Variants in AKAP6 observed in about 807,000 individuals in gnomAD.
The protein encoded by AKAP6 is A-kinase anchoring protein 6.
AKAP6 carries 58 observed loss-of-function variants against 188.5 expected under a neutral mutation model. That is an observed-to-expected ratio of 0.31 (90% CI 0.25 to 0.38). The LOEUF (loss-of-function observed/expected upper bound fraction) is 0.38. AKAP6 is among the 10% of genes least tolerant of loss of function. AKAP6 has a pLI of 1.00. For missense variants in AKAP6, 2,710 were observed against 2,740.0 expected (o/e 0.99, Z 0.24); for synonymous variants, 989 against 998.6 (o/e 0.99, Z 0.18).
chr14:32,341,261 C>A (rs1016196962), intron 1 of AKAP6, among the ~76,000 whole-genome samples: 2 of 152,126 alleles, frequency 1.3e-5, no homozygotes, highest in South Asian at 4.1e-4. Context: ...TTCCCCTCTA[C>A]CCTTCCTATT....
At chr14:32,443,418 C>A (rs1339363945) in intron 2 of AKAP6, among the ~76,000 whole-genome samples, 8 of 148,334 alleles carry the variant, frequency 5.4e-5, no homozygotes, top group East Asian at 2.0e-4. Context: ...AAAAAAAAAA[C>A]AAAAAAACAA....
intron 2 of AKAP6, among the ~76,000 whole-genome samples, chr14:32,482,083 C>T (rs987942101): frequency 6.6e-6 from 1 of 152,124 alleles, no homozygotes. Flanking sequence ...TTTCCTCAGC[C>T]CTACTTCCTT....
intron 2 of AKAP6, among the ~76,000 whole-genome samples, chr14:32,454,858 T>A: frequency 9.7e-5 from 5 of 51,296 alleles, no homozygotes; most frequent in African/African-American, 7.2e-4. Flanking sequence ...CCTCCTTCCC[T>A]CCCTCCCTCC....
At chr14:32,443,725 G>T (rs1264410311) in intron 2 of AKAP6, among the ~76,000 whole-genome samples, 1 of 152,100 alleles carries the variant, frequency 6.6e-6, no homozygotes, top group Non-Finnish European at 1.5e-5. Flanking sequence ...AGTTTTTCAA[G>T]TAACTTCATA....
chr14:32,512,926 T>C (rs1445456510), intron 2 of AKAP6, among the ~76,000 whole-genome samples: 1 of 152,240 alleles, frequency 6.6e-6, no homozygotes, highest in African/African-American at 2.4e-5. Flanking sequence ...TTATATAAAC[T>C]AATTAGCAAA....
At chr14:32,571,362 A>G (rs1467788397) in intron 4 of AKAP6, among the ~76,000 whole-genome samples, 1 of 151,974 alleles carries the variant, frequency 6.6e-6, no homozygotes, top group Non-Finnish European at 1.5e-5. Flanking sequence ...CCATCTCTAC[A>G]AAAATAAAAA....
At chr14:32,728,388 A>G (rs1041594906) in intron 9 of AKAP6, among the ~76,000 whole-genome samples, 13 of 150,952 alleles carry the variant, frequency 8.6e-5, no homozygotes, top group Non-Finnish European at 1.8e-4. Context: ...CTATCTATCT[A>G]TCTATCAATC....
At chr14:32,783,437 A>C (rs2140026097) in intron 12 of AKAP6, among the ~76,000 whole-genome samples, 1 of 152,184 alleles carries the variant, frequency 6.6e-6, no homozygotes, top group East Asian at 1.9e-4. Context: ...CAAAGCATAA[A>C]ATTTTACATT....
chr14:32,365,988 A>C (rs764554971), intron 1 of AKAP6, among the ~76,000 whole-genome samples: 2 of 152,126 alleles, frequency 1.3e-5, no homozygotes, highest in Non-Finnish European at 2.9e-5. Flanking sequence ...CTGTATCTTC[A>C]AACCTCTCTT....
rs527702848 is a variant in AKAP6 at position 32,583,108 on chromosome 14, A to G, written c.2469+5866A>G. Among the ~76,000 whole-genome samples the G allele has an allele frequency of 3.3e-5, 5 of 151,974 alleles. No individual in the cohort carries two copies. The East Asian group carries it at 9.7e-4, about 29-fold the overall frequency. ...AGTTTTTCTGCTCTGTTTTTTCCCC[A>G]TCTTTGTGGTTTTATCTACTTTTGG... On this transcript the variant is annotated intron_variant, in intron 5 of 13. Coordinates refer to ENST00000280979, the MANE Select transcript of AKAP6 (RefSeq NM_004274.5).
In AKAP6 at chr14:32,441,894, A is replaced by G. The variant is rs549090710; in HGVS notation, c.324+8077A>G. On this transcript the variant is annotated intron_variant, in intron 2 of 13. Coordinates refer to ENST00000280979, the MANE Select transcript of AKAP6 (RefSeq NM_004274.5). ...ATTTCATAAAAGGATTTTGAGAAAA[A>G]TCTAAAGAAACTGGCATTACTTTGA... Among the ~76,000 whole-genome samples the G allele has an allele frequency of 4.6e-5, 7 of 152,344 alleles. No individual in the cohort carries two copies. The South Asian group carries it at 1.2e-3, about 27-fold the overall frequency.
At chr14:32,491,142 C>A (rs78412259) in intron 2 of AKAP6, among the ~76,000 whole-genome samples, 1 of 152,138 alleles carries the variant, frequency 6.6e-6, no homozygotes, top group Non-Finnish European at 1.5e-5. Context: ...TCCCTAATTG[C>A]TTCATATGTA....
At chr14:32,635,766 AT>A (rs1422039133) in intron 7 of AKAP6, among the ~76,000 whole-genome samples, 4 of 152,154 alleles carry the variant, frequency 2.6e-5, no homozygotes, top group African/African-American at 9.6e-5. Flanking sequence ...AAAATGAGTG[AT>A]TAATTGTAAC....
In AKAP6 at chr14:32,546,300, T is replaced by G; in HGVS notation, c.1647T>G (p.Ala549=). The change falls in exon 4 of 14, where the codon GCT becomes GCG. Residue 549 remains alanine (A), a synonymous_variant. Transcript: ENST00000280979. ...KAIEGPQTNS[A]STSSLEPCNQ... is the part of the protein sequence containing the mutation. ...TAGAGGGGCCACAAACAAATTCTGC[T>G]TCCACATCCTCACTTGAGCCTTGTA... The G allele has an allele frequency of 6.2e-6, 10 of 1,614,200 alleles. No homozygotes were observed. The highest frequency in any genetic ancestry group is 8.5e-6 in the Non-Finnish European group (10 of 1,180,032).
chr14:32,411,543 G>A (rs552194844), intron 1 of AKAP6, among the ~76,000 whole-genome samples: 1 of 152,160 alleles, frequency 6.6e-6, no homozygotes, highest in Admixed American at 6.5e-5. Context: ...GGAATCTGGG[G>A]TTTTAGCTGG....
chr14:32,799,448 A>C (rs1002997965), intron 12 of AKAP6, among the ~76,000 whole-genome samples: 2 of 67,004 alleles, frequency 3.0e-5, no homozygotes, highest in Non-Finnish European at 6.4e-5. Flanking sequence ...TTAATGCTGT[A>C]AGTTTCCCTC....
intron 1 of AKAP6, 64 bp from the exon 2 acceptor site, chr14:32,433,396 G>A: frequency 9.5e-7 from 1 of 1,052,522 alleles, no homozygotes; most frequent in South Asian, 1.7e-5. Context: ...CTTCTGTGAA[G>A]TATCATTTCT....
intron 2 of AKAP6, among the ~76,000 whole-genome samples, chr14:32,485,950 G>A (rs1012755520): frequency 6.6e-6 from 1 of 152,134 alleles, no homozygotes; most frequent in African/African-American, 2.4e-5. Context: ...TATGGTTTTA[G>A]GCCTTACGTT....
At chr14:32,413,845 A>G (rs1889570620) in intron 1 of AKAP6, among the ~76,000 whole-genome samples, 1 of 151,840 alleles carries the variant, frequency 6.6e-6, no homozygotes, top group Admixed American at 6.6e-5. Flanking sequence ...ACAGACTTAA[A>G]TTGTCAGGCT....
Sources: allele counts gnomAD v4.1 joint callset (sites outside exome capture counted in the v4.1 genomes callset), GRCh38; gene constraint gnomAD v4.1.1; transcripts MANE v1.5; gene names NCBI Gene and HGNC (gene_info 2026-07-23, HGNC 2026-07-21).